E2F6: variants seen among roughly 807,000 people sequenced by gnomAD.
E2F6 encodes E2F transcription factor 6, also known as transcription factor E2F6.
A neutral mutation model predicts 31.5 loss-of-function variants in E2F6; 19 were observed. The observed-to-expected ratio is 0.60, with a 90% confidence interval of 0.42 to 0.89. E2F6 has a LOEUF of 0.89. Ranked by LOEUF, E2F6 falls within the 40% of genes least tolerant of loss-of-function variation. The pLI, the probability that E2F6 is intolerant of heterozygous loss-of-function variation, is 0.00. For missense variants in E2F6, 269 were observed against 341.6 expected (o/e 0.79, Z 1.67); for synonymous variants, 121 against 127.7 (o/e 0.95, Z 0.36).
intron 1 of E2F6, among the ~76,000 whole-genome samples, chr2:11,465,190 A>AAG (rs1323546488): frequency 0.02 from 3,023 of 148,064 alleles, 119 homozygotes; most frequent in African/African-American, 0.071. Flanking sequence ...AAAAAAAAAA[A>AAG]AAAAAAGAAA....
At chr2:11,458,333 G>C in intron 1 of E2F6, 1 of 1,551,778 alleles carries the variant, frequency 6.4e-7, no homozygotes, top group African/African-American at 1.4e-5. Flanking sequence ...CAGCAAGCCA[G>C]ATTTGCCTGA....
rs559538494 is a variant in E2F6, at chr2:11,450,285, A to C, written c.537-159T>G. The stretch of plus-strand genomic sequence containing the variant: ...AAAGCAGTAAAAAAAAAAAAAATTC[A>C]TTGATAATCTTTATTATTCACATAA... On this transcript the variant is annotated intron_variant, in intron 4 of 6. Coordinates refer to ENST00000381525, the MANE Select transcript of E2F6 (RefSeq NM_198256.4). 2.0e-5 allele frequency among the ~76,000 whole-genome samples: 3 copies of C among 152,288 alleles called. No individual in the cohort carries two copies. In the East Asian group the frequency reaches 5.8e-4, roughly 29 times the overall value.
chr2:11,447,816 A>G, intron 5 of E2F6, 42 bp from the exon 6 acceptor site: 4 of 1,586,204 alleles, frequency 2.5e-6, no homozygotes, highest in Non-Finnish European at 3.4e-6. Context: ...ATGAAATAAT[A>G]AATCATATTT....
rs759302212 is a variant in E2F6 at position 11,453,623 on chromosome 2, G to A, written c.339C>T (p.Ile113=). ...TCTTGGATTTCTTTTCAACGAGGTC[G>A]ATTCCATCTAAGACATTGGTGATGT... is the stretch of plus-strand genomic sequence containing the variant. ...VYDITNVLDG[I]DLVEKKSKNH... is the part of the protein sequence containing the mutation. Residue 113 remains isoleucine (I), a synonymous_variant, in exon 3 of 7, where the codon ATC becomes ATT. Transcript: ENST00000381525. The A allele has an allele frequency of 2.7e-5, 44 of 1,613,968 alleles. No individual in the cohort carries two copies. The Admixed American group carries it at 5.2e-4, about 19-fold the overall frequency.
intron 1 of E2F6, among the ~76,000 whole-genome samples, chr2:11,461,307 C>T (rs770453101): frequency 3.9e-5 from 6 of 152,194 alleles, no homozygotes; most frequent in African/African-American, 9.7e-5. Context: ...CTCACTTTAA[C>T]AGTAGATGCT....
At chr2:11,451,625 T>A (rs777816044) in intron 4 of E2F6, 26 bp downstream of exon 4, 1 of 1,577,386 alleles carries the variant, frequency 6.3e-7, no homozygotes, top group South Asian at 1.2e-5. Context: ...GCAGAAATTT[T>A]AAAAAGGTAT....
intron 5 of E2F6, 54 bp downstream of exon 5, chr2:11,449,958 A>G: frequency 7.2e-7 from 1 of 1,383,528 alleles, no homozygotes. Context: ...TCACAGCCTA[A>G]GCAGTCGGCC....
At chr2:11,451,481 G>A (rs961404020) in intron 4 of E2F6, 170 bp downstream of exon 4, 1 of 562,758 alleles carries the variant, frequency 1.8e-6, no homozygotes, top group Admixed American at 4.3e-5. Flanking sequence ...CTCCCAAGGA[G>A]CTGGGATTAC....
chr2:11,447,503 T>C (rs546290653), intron 6 of E2F6, 124 bp downstream of exon 6: 59 of 994,722 alleles, frequency 5.9e-5, no homozygotes, highest in Non-Finnish European at 8.4e-5. Context: ...GTAAGAGTTA[T>C]GCTGTAATTT....
intron 1 of E2F6, among the ~76,000 whole-genome samples, chr2:11,462,022 GCTCT>G (rs1415669019): frequency 1.3e-5 from 2 of 152,148 alleles, no homozygotes; most frequent in Admixed American, 6.5e-5. Flanking sequence ...GACTTCCAGT[GCTCT>G]CTCTACTATT....
chr2:11,465,359 T>C (rs1402375859), intron 1 of E2F6, among the ~76,000 whole-genome samples: 1 of 151,854 alleles, frequency 6.6e-6, no homozygotes, highest in Admixed American at 6.6e-5. Context: ...GGGAGATAAT[T>C]TGATGAATGG....
Position 11,457,079 on chromosome 2 carries a change from G to T in E2F6, c.163+100C>A. ...CATTTCAGTGTACACATAACAAATTGTATTTCAGTTTCTCATCAACTCATA... is the reference window on the plus strand; with the variant it reads ...CATTTCAGTGTACACATAACAAATTTTATTTCAGTTTCTCATCAACTCATA... On this transcript the variant is annotated intron_variant, in intron 2 of 6. Transcript: ENST00000381525. 4.3e-6 allele frequency: 4 copies of T among 923,238 alleles called. No individual in the cohort carries two copies. In the South Asian group the frequency reaches 5.8e-5, roughly 13 times the overall value. The allele number at this position is 923,238 out of a possible 1,614,324, so 57.2% of individuals were successfully genotyped here.
chr2:11,451,012 C>A lies in E2F6; in HGVS notation c.536+639G>T, dbSNP rs61213947. 4.4e-3 allele frequency among the ~76,000 whole-genome samples: 662 copies of A among 152,068 alleles called. 7 individuals carry two copies. The highest frequency in any genetic ancestry group is 0.016 in the African/African-American group (645 of 41,546). ...CTCCCTGAGACACTGAGTTTCAAAG[C>A]AAAACTGCTACTAAGCAACAACGCG... is the stretch of plus-strand genomic sequence containing the variant. On this transcript the variant is annotated intron_variant, in intron 4 of 6. Coordinates refer to ENST00000381525, the MANE Select transcript of E2F6 (RefSeq NM_198256.4).
intron 4 of E2F6, 50 bp downstream of exon 4, chr2:11,451,601 A>G (rs1343391291): frequency 6.5e-6 from 10 of 1,529,538 alleles, no homozygotes; most frequent in Non-Finnish European, 6.2e-6. Flanking sequence ...CTACTTAAGT[A>G]ATCTGTTTTG....
At chr2:11,462,399 T>C (rs143514705) in intron 1 of E2F6, among the ~76,000 whole-genome samples, 1,551 of 152,326 alleles carry the variant, frequency 0.01, 4 homozygotes, top group Middle Eastern at 0.031. Flanking sequence ...AATAATAAAA[T>C]ACAACAATTA....
At chr2:11,461,047 G>C (rs375805076) in intron 1 of E2F6, among the ~76,000 whole-genome samples, 94 of 152,002 alleles carry the variant, frequency 6.2e-4, no homozygotes, top group African/African-American at 2.2e-3. Flanking sequence ...TGGCGGGGTG[G>C]GTCCTGATGA....
chr2:11,455,440 A>G, intron 2 of E2F6: 1 of 1,295,120 alleles, frequency 7.7e-7, no homozygotes, highest in South Asian at 1.3e-5. Flanking sequence ...ATATTTCATA[A>G]TATAAATGTC....
Position 11,453,791 on chromosome 2 carries a change from T to C in E2F6, c.171A>G (p.Leu57=), listed in dbSNP as rs371042696. The C allele has an allele frequency of 5.6e-6, 9 of 1,612,554 alleles. No homozygotes were observed. The African/African-American group carries it at 1.1e-4, about 19-fold the overall frequency. The change falls in exon 3 of 7, where the codon CTA becomes CTG. Residue 57 remains leucine, a synonymous_variant. Coordinates refer to ENST00000381525, the MANE Select transcript of E2F6 (RefSeq NM_198256.4). ...NVQYVSMRKA[L]KVKRPRFDVS... is the part of the protein sequence containing the mutation. ...CATCAAAACGAGGTCTCTTCACTTTTAGAGCTTCTGGGAAACAAAATAAAC... is the reference window on the plus strand; with the variant it reads ...CATCAAAACGAGGTCTCTTCACTTTCAGAGCTTCTGGGAAACAAAATAAAC...
chr2:11,455,220 G>T, intron 2 of E2F6: 1 of 808,662 alleles, frequency 1.2e-6, no homozygotes, highest in Non-Finnish European at 1.6e-6. Flanking sequence ...TTATGGCTTG[G>T]TTTGCAGAAA....
Sources: gnomAD v4.1 joint callset for allele counts (sites outside exome capture counted in the v4.1 genomes callset) on GRCh38, gnomAD v4.1.1 for gene constraint, MANE v1.5 for transcripts, NCBI Gene and HGNC (gene_info 2026-07-23, HGNC 2026-07-21) for gene names.